The following NELL1 variants were observed in gnomAD, a reference collection of about 807,000 sequenced individuals.
NELL1 encodes neural EGFL like 1, also known as protein kinase C-binding protein NELL1.
Under a neutral mutation model 107.4 loss-of-function variants are expected in NELL1, and 76 were observed. The ratio of observed to expected loss-of-function variants is 0.71; its 90% CI spans 0.59 to 0.86. The LOEUF is 0.86. Among genes scored for constraint, NELL1 ranks in the 40% least tolerant of loss-of-function variants. NELL1 has a pLI of 0.00. For synonymous variants in NELL1, 353 were observed against 341.2 expected (o/e 1.03, Z -0.38); for missense variants, 1,024 against 1,005.5 (o/e 1.02, Z -0.25).
At position 21,223,938 on chromosome 11, in the gene NELL1, G is replaced by A. The variant is rs369610553; in HGVS notation, c.1427-5394G>A. On this transcript the variant is annotated intron_variant, in intron 13 of 19. Coordinates refer to ENST00000357134, the MANE Select transcript of NELL1 (RefSeq NM_006157.5). ...CTGAAGGTTAGTTTTTCTGTGTATAGGTTTCTTTGGTGGCATTTGTTTTTT... is the reference window on the plus strand; with the variant it reads ...CTGAAGGTTAGTTTTTCTGTGTATAAGTTTCTTTGGTGGCATTTGTTTTTT... Among the ~76,000 whole-genome samples, 74 of 152,174 alleles carry A rather than the reference G, an allele frequency of 4.9e-4. 1 individual carries two copies. In the South Asian group the frequency reaches 0.015, roughly 31 times the overall value.
At chr11:20,713,688 C>A (rs1274643107) in intron 2 of NELL1, among the ~76,000 whole-genome samples, 1 of 152,102 alleles carries the variant, frequency 6.6e-6, no homozygotes, top group East Asian at 1.9e-4. Flanking sequence ...AAATTTGTGT[C>A]CAGTTGAAAT....
At chr11:21,555,075 A>G (rs971116506) in intron 16 of NELL1, among the ~76,000 whole-genome samples, 2 of 152,064 alleles carry the variant, frequency 1.3e-5, no homozygotes, top group Non-Finnish European at 1.5e-5. Context: ...ACAGGGCCAT[A>G]TCTGGCTTCT....
Position 20,678,031 on chromosome 11 carries a change from A to T in NELL1, c.155A>T (p.His52Leu). 12 of 1,614,148 alleles carry T rather than the reference A, an allele frequency of 7.4e-6. No individual in the cohort carries two copies. Among genetic ancestry groups the T allele is most frequent in the Non-Finnish European group, 9.3e-6 (11 of 1,180,004 alleles). ...GGAGTTGCTCAGGTGTCTGGAATGC[A>T]CAATGCCAGCAAAGCATTTTTATTT... The part of the protein sequence containing the change: ...TLGVAQVSGM[H>L]NASKAFLFQD... Residue 52 changes from histidine (H) to leucine (L), a missense_variant, in exon 2 of 20, where the codon CAC (histidine) becomes CTC (leucine). His to Leu is a moderately conservative substitution (Grantham distance 99, BLOSUM62 -3). Transcript: ENST00000357134.
intron 15 of NELL1, among the ~76,000 whole-genome samples, chr11:21,492,886 A>G (rs1854865412): frequency 6.6e-6 from 1 of 152,100 alleles, no homozygotes; most frequent in Admixed American, 6.6e-5. Context: ...CCTAAAACTT[A>G]AAGTATAATA....
At chr11:20,674,390 G>C in intron 1 of NELL1, 1 of 908,262 alleles carries the variant, frequency 1.1e-6, no homozygotes, top group Non-Finnish European at 1.7e-6. Context: ...TGGAGCTGTT[G>C]AAGTGTGAAT....
rs1854212434 is a variant in NELL1 at position 21,079,364 on chromosome 11, A to G, written c.1301-34225A>G. 1.3e-5 allele frequency among the ~76,000 whole-genome samples: 2 copies of G among 152,072 alleles called. 1 individual carries two copies. Among genetic ancestry groups the G allele is most frequent in the South Asian group, 4.1e-4 (2 of 4,832 alleles). On this transcript the variant is annotated intron_variant, in intron 12 of 19. Coordinates refer to ENST00000357134, the MANE Select transcript of NELL1 (RefSeq NM_006157.5). The stretch of plus-strand genomic sequence containing the variant: ...AAGCGACACAGAAAATAAATACAAG[A>G]ATAAGGATTAAATAATTCATAAAGG...
intron 2 of NELL1, among the ~76,000 whole-genome samples, chr11:20,700,534 C>A (rs1016719030): frequency 2.6e-5 from 4 of 151,526 alleles, no homozygotes; most frequent in Admixed American, 2.0e-4. Context: ...TTTTATTATA[C>A]TTCTAGGATA....
At chr11:21,135,145 T>C (rs924084137) in intron 13 of NELL1, among the ~76,000 whole-genome samples, 2 of 152,218 alleles carry the variant, frequency 1.3e-5, no homozygotes, top group African/African-American at 4.8e-5. Flanking sequence ...TTGTGATATT[T>C]ACTGCTTTCT....
At chr11:21,278,904 A>G (rs1458102929) in intron 14 of NELL1, among the ~76,000 whole-genome samples, 1 of 152,192 alleles carries the variant, frequency 6.6e-6, no homozygotes, top group Non-Finnish European at 1.5e-5. Flanking sequence ...AGTAATCAAA[A>G]CAGTGTAGTA....
At chr11:20,952,792 CCCAGA>C (rs1289929192) in intron 11 of NELL1, among the ~76,000 whole-genome samples, 1 of 152,140 alleles carries the variant, frequency 6.6e-6, no homozygotes, top group African/African-American at 2.4e-5. Context: ...GGCACATTTT[CCCAGA>C]GAGAAAACCT....
intron 14 of NELL1, among the ~76,000 whole-genome samples, chr11:21,247,338 A>T (rs1277843428): frequency 1.3e-5 from 2 of 152,194 alleles, no homozygotes; most frequent in Non-Finnish European, 2.9e-5. Flanking sequence ...ACTGGTTTGC[A>T]ATAACACTTA....
intron 1 of NELL1, among the ~76,000 whole-genome samples, chr11:20,676,454 A>C (rs1465430240): frequency 1.3e-5 from 2 of 152,180 alleles, no homozygotes; most frequent in Non-Finnish European, 2.9e-5. Context: ...ATGCAGAGTG[A>C]ATGGAAGGAA....
At chr11:21,176,054 C>T (rs1309726421) in intron 13 of NELL1, among the ~76,000 whole-genome samples, 4 of 151,754 alleles carry the variant, frequency 2.6e-5, no homozygotes, top group Non-Finnish European at 5.9e-5. Flanking sequence ...TATTTCCTTC[C>T]TGCAAACTCT....
At chr11:20,975,904 G>A (rs1851611491) in intron 12 of NELL1, among the ~76,000 whole-genome samples, 3 of 96,836 alleles carry the variant, frequency 3.1e-5, no homozygotes, top group Non-Finnish European at 3.9e-5. Context: ...ATACATATAT[G>A]TGTATTATAT....
intron 15 of NELL1, among the ~76,000 whole-genome samples, chr11:21,457,059 TAA>T (rs1853764852): frequency 6.6e-6 from 1 of 152,144 alleles, no homozygotes; most frequent in Admixed American, 6.5e-5. Flanking sequence ...GGAAAATGTG[TAA>T]ATAAATAAAT....
At chr11:20,683,812 C>T (rs1271976579) in intron 2 of NELL1, among the ~76,000 whole-genome samples, 1 of 151,814 alleles carries the variant, frequency 6.6e-6, no homozygotes, top group Admixed American at 6.6e-5. Context: ...TATATTGTTT[C>T]CAACAAGAAG....
intron 15 of NELL1, among the ~76,000 whole-genome samples, chr11:21,408,105 G>T (rs1031187021): frequency 2.0e-5 from 3 of 151,958 alleles, no homozygotes; most frequent in Non-Finnish European, 4.4e-5. Context: ...AGCAGCATGA[G>T]TTGATCATAG....
chr11:21,104,608 G>A (rs1854902392), intron 12 of NELL1, among the ~76,000 whole-genome samples: 1 of 152,146 alleles, frequency 6.6e-6, no homozygotes, highest in Admixed American at 6.5e-5. Context: ...TACCATACAT[G>A]GGATGACCAA....
intron 14 of NELL1, among the ~76,000 whole-genome samples, chr11:21,247,556 A>G (rs1017810234): frequency 2.6e-5 from 4 of 152,164 alleles, no homozygotes; most frequent in African/African-American, 9.6e-5. Flanking sequence ...CTTCAGGGGC[A>G]ATAGCACGCA....
Sources: gnomAD v4.1 joint callset for allele counts (sites outside exome capture counted in the v4.1 genomes callset) on GRCh38, gnomAD v4.1.1 for gene constraint, MANE v1.5 for transcripts, NCBI Gene and HGNC (gene_info 2026-07-23, HGNC 2026-07-21) for gene names.